The following CACNA2D3 variants were observed in gnomAD, a reference collection of about 807,000 sequenced individuals.
CACNA2D3 encodes calcium voltage-gated channel auxiliary subunit alpha2delta 3, also known as voltage-dependent calcium channel subunit alpha-2/delta-3.
A neutral mutation model predicts 160.6 loss-of-function variants in CACNA2D3; 60 were observed. The ratio of observed to expected loss-of-function variants is 0.37; its 90% confidence interval spans 0.30 to 0.46. The LOEUF (loss-of-function observed/expected upper bound fraction) is 0.46. Among genes scored for constraint, CACNA2D3 ranks in the 20% least tolerant of loss-of-function variants. The probability of loss-of-function intolerance (pLI) is 1.00; values close to 1 mark genes in which losing one functional copy is unlikely to be tolerated. For missense variants in CACNA2D3, 1,205 were observed against 1,365.0 expected, an observed-to-expected ratio of 0.88 and a Z score of 1.85; for synonymous variants, 558 against 492.9, an observed-to-expected ratio of 1.13 and a Z score of -1.75.
At chr3:54,993,563 C>A (rs894264391) in intron 31 of CACNA2D3, among the ~76,000 whole-genome samples, 2 of 152,142 alleles carry the variant, frequency 1.3e-5, no homozygotes, top group South Asian at 2.1e-4. Context: ...CAAGAGCCTT[C>A]AAAAAACAGG....
chr3:54,699,764 CT>C (rs1487222974), intron 11 of CACNA2D3, among the ~76,000 whole-genome samples: 1 of 152,144 alleles, frequency 6.6e-6, no homozygotes, highest in Non-Finnish European at 1.5e-5. Flanking sequence ...GTAATATTGA[CT>C]TCATCCTGGC....
chr3:54,798,738 A>G (rs1702921625), intron 13 of CACNA2D3, among the ~76,000 whole-genome samples: 1 of 152,226 alleles, frequency 6.6e-6, no homozygotes, highest in Admixed American at 6.5e-5. Flanking sequence ...GTGATAGCAG[A>G]GTATACCAAC....
At chr3:54,403,404 C>T (rs1225643542) in intron 4 of CACNA2D3, among the ~76,000 whole-genome samples, 6 of 150,158 alleles carry the variant, frequency 4.0e-5, no homozygotes, top group African/African-American at 9.8e-5. Context: ...CACACGCACA[C>T]ACAATAAAAA....
chr3:54,429,670 T>G (rs1699960391), intron 4 of CACNA2D3, among the ~76,000 whole-genome samples: 1 of 152,182 alleles, frequency 6.6e-6, no homozygotes, highest in Non-Finnish European at 1.5e-5. Flanking sequence ...AATAGCACTT[T>G]GCCAGACTCT....
chr3:54,177,334 C>G (rs1700696851), intron 2 of CACNA2D3, among the ~76,000 whole-genome samples: 2 of 152,036 alleles, frequency 1.3e-5, no homozygotes, highest in Non-Finnish European at 2.9e-5. Context: ...GGGTCTTGGA[C>G]CAACATTATT....
At chr3:54,972,755 A>G (rs1192910269) in intron 29 of CACNA2D3, among the ~76,000 whole-genome samples, 1 of 152,196 alleles carries the variant, frequency 6.6e-6, no homozygotes, top group African/African-American at 2.4e-5. Flanking sequence ...TGGTTGGCCC[A>G]GTCAGAACCT....
rs149811370 is a variant in CACNA2D3 at position 54,147,012 on chromosome 3, T to G, written c.204+23418T>G. Among the ~76,000 whole-genome samples, 239 of 152,380 alleles carry G rather than the reference T, an allele frequency of 1.6e-3. 1 individual carries two copies. The highest frequency in any genetic ancestry group is 5.6e-3 in the African/African-American group (233 of 41,598). ...AGGGAAAATTTCCCCTTTCAGTGAA[T>G]GAGGCTGATAATATCCCTAGATTTC... On this transcript the variant is annotated intron_variant, in intron 2 of 37. Transcript: ENST00000474759.
intron 5 of CACNA2D3, among the ~76,000 whole-genome samples, chr3:54,559,504 G>T (rs1409758877): frequency 1.3e-5 from 2 of 152,012 alleles, no homozygotes; most frequent in Non-Finnish European, 2.9e-5. Context: ...TGTTGGCCAG[G>T]CTGTCCTCGA....
chr3:54,127,391 C>T (rs1479941440), intron 2 of CACNA2D3, among the ~76,000 whole-genome samples: 1 of 152,190 alleles, frequency 6.6e-6, no homozygotes, highest in Non-Finnish European at 1.5e-5. Flanking sequence ...AGGACAGAGT[C>T]AGCAAAGTAA....
intron 27 of CACNA2D3, among the ~76,000 whole-genome samples, chr3:54,960,074 G>T (rs1442187915): frequency 1.7e-5 from 2 of 118,296 alleles, no homozygotes; most frequent in African/African-American, 7.7e-5. Flanking sequence ...GCTCTGACAG[G>T]ACAAAAAAAA....
intron 14 of CACNA2D3, among the ~76,000 whole-genome samples, chr3:54,822,892 T>C (rs1234719934): frequency 6.6e-6 from 1 of 150,424 alleles, no homozygotes; most frequent in Non-Finnish European, 1.5e-5. Flanking sequence ...TTAGCTCATG[T>C]TGCCTGTGCT....
intron 11 of CACNA2D3, among the ~76,000 whole-genome samples, chr3:54,713,342 T>C (rs1219716588): frequency 6.6e-6 from 1 of 152,148 alleles, no homozygotes. Context: ...AGAAAACGTG[T>C]GGTTTGGGCA....
rs114521582 is a variant in CACNA2D3, at chr3:54,412,000, G to C, written c.381+25226G>C. On this transcript the variant is annotated intron_variant, in intron 4 of 37. Transcript: ENST00000474759. ...TTCCTTTCTGCCCTCTTTGAATTCAGCTTCCTTCTGTCCTTCACAGTAAAC... is the reference window on the plus strand; with the variant it reads ...TTCCTTTCTGCCCTCTTTGAATTCACCTTCCTTCTGTCCTTCACAGTAAAC... Among the ~76,000 whole-genome samples the C allele has an allele frequency of 2.4e-3, 372 of 152,220 alleles. 3 individuals are homozygous for C. The highest frequency in any genetic ancestry group is 8.7e-3 in the African/African-American group (363 of 41,556).
At position 54,150,552 on chromosome 3, in the gene CACNA2D3, A is replaced by G. The variant is rs1700128969; in HGVS notation, c.204+26958A>G. ...CATACTGGTATCTCTGGGAGCCATT[A>G]TGAGGGCTCACCAAATAACTTGGGA... On this transcript the variant is annotated intron_variant, in intron 2 of 37. Transcript: ENST00000474759. Among the ~76,000 whole-genome samples, 2 of 152,258 alleles carry G rather than the reference A, an allele frequency of 1.3e-5. 1 individual carries two copies. The highest frequency in any genetic ancestry group is 4.1e-4 in the South Asian group (2 of 4,834).
intron 27 of CACNA2D3, among the ~76,000 whole-genome samples, chr3:54,951,535 T>C (rs1490513077): frequency 6.6e-6 from 1 of 152,184 alleles, no homozygotes; most frequent in African/African-American, 2.4e-5. Flanking sequence ...TTGAAGCATC[T>C]CTACAGACTT....
At chr3:54,764,400 C>T (rs1280378067) in intron 13 of CACNA2D3, 49 bp downstream of exon 13, 3 of 1,601,604 alleles carry the variant, frequency 1.9e-6, no homozygotes, top group Non-Finnish European at 1.7e-6. Flanking sequence ...CCCCCATCCC[C>T]AAATTGTGTT....
chr3:54,629,155 G>T (rs1699182110), intron 10 of CACNA2D3, among the ~76,000 whole-genome samples: 1 of 152,012 alleles, frequency 6.6e-6, no homozygotes, highest in Non-Finnish European at 1.5e-5. Flanking sequence ...TCATCTTGAG[G>T]TGTCAAGCAG....
intron 17 of CACNA2D3, among the ~76,000 whole-genome samples, chr3:54,865,769 A>G (rs1465438674): frequency 6.6e-6 from 1 of 152,212 alleles, no homozygotes; most frequent in Admixed American, 6.5e-5. Context: ...AGTATCAGCC[A>G]TTGGTACTGG....
chr3:54,230,560 A>G (rs1701749868), intron 2 of CACNA2D3, among the ~76,000 whole-genome samples: 1 of 152,220 alleles, frequency 6.6e-6, no homozygotes, highest in Non-Finnish European at 1.5e-5. Context: ...AGAGTTAGAC[A>G]CAGGGGATTC....
Sources: allele counts gnomAD v4.1 joint callset (sites outside exome capture counted in the v4.1 genomes callset), GRCh38; gene constraint gnomAD v4.1.1; transcripts MANE v1.5; gene names NCBI Gene and HGNC (gene_info 2026-07-23, HGNC 2026-07-21).